UVRAG: variants seen among roughly 807,000 people sequenced by gnomAD.
The protein encoded by UVRAG is UV radiation resistance associated.
A neutral mutation model predicts 78.0 loss-of-function variants in UVRAG; 19 were observed. The observed-to-expected ratio is 0.24, with a 90% CI of 0.17 to 0.36. The LOEUF is 0.36. Ranked by LOEUF, UVRAG falls within the 10% of genes least tolerant of loss-of-function variation. The probability of loss-of-function intolerance (pLI) is 1.00; values close to 1 mark genes in which losing one functional copy is unlikely to be tolerated. For missense variants in UVRAG, 740 were observed against 853.8 expected, an observed-to-expected ratio of 0.87 and a Z score of 1.66; for synonymous variants, 323 against 324.6, an observed-to-expected ratio of 1.00 and a Z score of 0.05.
intron 1 of UVRAG, among the ~76,000 whole-genome samples, chr11:75,821,415 C>T (rs1945383741): frequency 6.6e-6 from 1 of 152,170 alleles, no homozygotes. Context: ...GATCATGGCT[C>T]ACTGCAGCCT....
In UVRAG at chr11:75,873,084, C is replaced by T. The variant is rs188029792; in HGVS notation, c.271-6795C>T. On this transcript the variant is annotated intron_variant, in intron 3 of 14. Coordinates refer to ENST00000356136, the MANE Select transcript of UVRAG (RefSeq NM_003369.4). ...AGGTTCCTATGGGAGCATAGAGGAG[C>T]GGCAGCCAGCCCCATGGACATCAGT... Among the ~76,000 whole-genome samples the T allele has an allele frequency of 3.9e-5, 6 of 152,246 alleles. No individual in the cohort carries two copies. The South Asian group carries it at 6.2e-4, about 16-fold the overall frequency.
chr11:75,866,117 G>A (rs1353179023), intron 3 of UVRAG, among the ~76,000 whole-genome samples: 1 of 151,908 alleles, frequency 6.6e-6, no homozygotes, highest in African/African-American at 2.4e-5. Flanking sequence ...AATTACCCGG[G>A]AAGTTGAGGC....
intron 2 of UVRAG, among the ~76,000 whole-genome samples, chr11:75,853,650 G>A (rs527954596): frequency 6.6e-6 from 1 of 151,984 alleles, no homozygotes; most frequent in South Asian, 2.1e-4. Flanking sequence ...ACTGTGCCTG[G>A]CAATAATTTT....
intron 12 of UVRAG, among the ~76,000 whole-genome samples, chr11:76,044,922 G>A (rs1467130104): frequency 6.6e-6 from 1 of 152,178 alleles, no homozygotes; most frequent in African/African-American, 2.4e-5. Context: ...TAGCAGACTG[G>A]AAAAATGAAA....
chr11:76,131,071 G>A (rs1247192901), intron 14 of UVRAG, among the ~76,000 whole-genome samples: 4 of 151,814 alleles, frequency 2.6e-5, no homozygotes, highest in East Asian at 1.9e-4. Flanking sequence ...CCATGTTCTC[G>A]TGTAGGATGT....
At chr11:75,837,326 CAAAAAAA>C (rs753820781) in intron 1 of UVRAG, among the ~76,000 whole-genome samples, 1 of 64,464 alleles carries the variant, frequency 1.6e-5, no homozygotes, top group African/African-American at 5.0e-5. Context: ...GACTCTGTCT[CAAAAAAA>C]AAAAAAAAAA....
chr11:76,005,607 C>T (rs1416241601), intron 9 of UVRAG, among the ~76,000 whole-genome samples: 1 of 152,240 alleles, frequency 6.6e-6, no homozygotes, highest in African/African-American at 2.4e-5. Flanking sequence ...GAATTTCTCA[C>T]TCTGTCTTCC....
rs571748515 is a variant in UVRAG at position 75,876,043 on chromosome 11, A to G, written c.271-3836A>G. ...AGAAAAAAAGAAAAAGAATGTGAAA[A>G]CCAAAGCCCCGGCTTTGTATAGATC... On this transcript the variant is annotated intron_variant, in intron 3 of 14. Transcript: ENST00000356136. Among the ~76,000 whole-genome samples the G allele has an allele frequency of 7.6e-4, 116 of 151,692 alleles. 2 individuals carry two copies. Among genetic ancestry groups the G allele is most frequent in the Admixed American group, 7.6e-3 (116 of 15,282 alleles).
chr11:75,825,055 A>C (rs1945482813), intron 1 of UVRAG, among the ~76,000 whole-genome samples: 1 of 151,916 alleles, frequency 6.6e-6, no homozygotes, highest in African/African-American at 2.4e-5. Flanking sequence ...CTTATGAGAG[A>C]GGTTGAAACA....
In UVRAG at chr11:75,928,331, T is replaced by C. The variant is rs1338694822; in HGVS notation, c.593+16292T>C. Reference sequence around the variant, plus strand: ...ATCCCTTCTACCTTCCAGATTTTGCTCAAGGCATTCCAACATTTAAGAAGA... The same window carrying C: ...ATCCCTTCTACCTTCCAGATTTTGCCCAAGGCATTCCAACATTTAAGAAGA... On this transcript the variant is annotated intron_variant, in intron 6 of 14. Transcript: ENST00000356136. Among the ~76,000 whole-genome samples the C allele has an allele frequency of 2.0e-5, 3 of 152,132 alleles. No individual in the cohort carries two copies. In the East Asian group the frequency reaches 5.8e-4, roughly 29 times the overall value.
intron 12 of UVRAG, among the ~76,000 whole-genome samples, chr11:76,052,872 C>G (rs1020712627): frequency 6.6e-6 from 1 of 151,628 alleles, no homozygotes; most frequent in South Asian, 2.1e-4. Flanking sequence ...ATTCCCTATT[C>G]GATATTTTCG....
At chr11:76,126,257 A>G (rs1181828288) in intron 14 of UVRAG, among the ~76,000 whole-genome samples, 1 of 152,182 alleles carries the variant, frequency 6.6e-6, no homozygotes, top group Non-Finnish European at 1.5e-5. Context: ...TCACATTTTT[A>G]AAAAGCTAAA....
At chr11:76,102,760 TGA>T (rs1951899031) in intron 13 of UVRAG, among the ~76,000 whole-genome samples, 1 of 152,184 alleles carries the variant, frequency 6.6e-6, no homozygotes, top group Non-Finnish European at 1.5e-5. Context: ...CCTAGTTTGT[TGA>T]GAGTTTTTAT....
intron 5 of UVRAG, among the ~76,000 whole-genome samples, chr11:75,891,944 A>C (rs1392090748): frequency 6.6e-6 from 1 of 152,162 alleles, no homozygotes; most frequent in Admixed American, 6.5e-5. Context: ...GTGATAGATA[A>C]ATGTAGATCA....
In UVRAG at chr11:75,861,789, G is replaced by C; in HGVS notation, c.270+9G>C. ...TGATTAAGAATTCCTTGGTAAGTTTGCTTTCTGACGGGTACATATGACTAA... is the reference window on the plus strand; with the variant it reads ...TGATTAAGAATTCCTTGGTAAGTTTCCTTTCTGACGGGTACATATGACTAA... On this transcript the variant is annotated intron_variant, in intron 3 of 14. Coordinates refer to ENST00000356136, the MANE Select transcript of UVRAG (RefSeq NM_003369.4). The C allele has an allele frequency of 6.2e-7, 1 of 1,605,770 alleles. No homozygotes were observed. The highest frequency in any genetic ancestry group is 8.5e-7 in the Non-Finnish European group (1 of 1,173,776).
chr11:76,097,204 A>G (rs909602793), intron 13 of UVRAG, among the ~76,000 whole-genome samples: 1 of 152,110 alleles, frequency 6.6e-6, no homozygotes, highest in Non-Finnish European at 1.5e-5. Context: ...CGTCACTGTC[A>G]TCAGGCATGC....
intron 6 of UVRAG, among the ~76,000 whole-genome samples, chr11:75,938,825 T>C (rs1025146629): frequency 1.3e-5 from 2 of 152,226 alleles, no homozygotes; most frequent in Admixed American, 6.5e-5. Context: ...TGGAGTTCTC[T>C]GTGTGCAGTT....
At chr11:75,874,437 A>T (rs1946719741) in intron 3 of UVRAG, among the ~76,000 whole-genome samples, 1 of 152,178 alleles carries the variant, frequency 6.6e-6, no homozygotes, top group Admixed American at 6.5e-5. Context: ...TGCACAATCT[A>T]GATGCATCTT....
chr11:75,841,723 C>T (rs542190642), intron 1 of UVRAG, among the ~76,000 whole-genome samples: 1 of 152,106 alleles, frequency 6.6e-6, no homozygotes, highest in African/African-American at 2.4e-5. Context: ...CTAAATTGCC[C>T]TTGCTCCAAA....
Sources: allele counts gnomAD v4.1 joint callset (sites outside exome capture counted in the v4.1 genomes callset), GRCh38; gene constraint gnomAD v4.1.1; transcripts MANE v1.5; gene names NCBI Gene and HGNC (gene_info 2026-07-23, HGNC 2026-07-21).